Variants in ARHGAP23 observed in about 807,000 individuals in gnomAD.
ARHGAP23 encodes Rho GTPase activating protein 23.
A neutral mutation model predicts 136.3 loss-of-function variants in ARHGAP23; 34 were observed. The observed-to-expected ratio is 0.25, with a 90% CI of 0.19 to 0.33. The LOEUF (loss-of-function observed/expected upper bound fraction) is 0.33. Ranked by LOEUF, ARHGAP23 falls within the 10% of genes least tolerant of loss-of-function variation. The probability of loss-of-function intolerance (pLI) is 1.00; values close to 1 mark genes in which losing one functional copy is unlikely to be tolerated. For missense variants in ARHGAP23, 1,808 were observed against 2,139.0 expected (o/e 0.85, Z 3.05); for synonymous variants, 832 against 920.5 (o/e 0.90, Z 1.74).
chr17:38,463,371 A>G lies in ARHGAP23; in HGVS notation c.472A>G (p.Ile158Val), dbSNP rs981341910. 5 of 1,551,558 alleles carry G rather than the reference A, an allele frequency of 3.2e-6. No homozygotes were observed. The Admixed American group carries it at 7.8e-5, about 24-fold the overall frequency. The part of the protein sequence containing the change: ...ELSIMPKDED[I>V]LQLAYSQDAY... ...GTCTATCATGCCCAAGGACGAGGAC[A>G]TCCTCCAGCTGGTGAGTCCAGCCCC... Residue 158 changes from isoleucine to valine, a missense_variant, in exon 6 of 24, where the codon ATC (isoleucine) becomes GTC (valine). Physicochemically the swap from Ile to Val is conservative, Grantham distance 29. This residue lies in a region of ARHGAP23 where 859 missense variants were observed against 936.4 expected (regional missense o/e 0.92). Transcript: ENST00000622683.
At chr17:38,465,162 G>A (rs1053100686) in intron 6 of ARHGAP23, among the ~76,000 whole-genome samples, 7 of 152,092 alleles carry the variant, frequency 4.6e-5, no homozygotes, top group Middle Eastern at 3.2e-3. Flanking sequence ...CTGGGGAGAC[G>A]GCGGGATGGC....
At chr17:38,486,337 C>G (rs573090997) in intron 17 of ARHGAP23, among the ~76,000 whole-genome samples, 197 bp downstream of exon 17, 80 of 151,958 alleles carry the variant, frequency 5.3e-4, no homozygotes, top group African/African-American at 1.9e-3. Flanking sequence ...AAGCGATCCT[C>G]CCACCTCAGC....
rs894114703 is a variant in ARHGAP23, at chr17:38,511,033, G to A, written c.*61G>A. On this transcript the variant is annotated 3_prime_UTR_variant, in exon 24 of 24. Transcript: ENST00000622683. ...CCTAGAGCCCCTTTGGAACCAGGAGGCTTCACCAGCCTGCACCTCCTCTTC... is the reference window on the plus strand; with the variant it reads ...CCTAGAGCCCCTTTGGAACCAGGAGACTTCACCAGCCTGCACCTCCTCTTC... 8.8e-6 allele frequency: 12 copies of A among 1,368,522 alleles called. No homozygotes were observed. Among genetic ancestry groups the A allele is most frequent in the Non-Finnish European group, 1.1e-5 (12 of 1,066,806 alleles). 84.8% of individuals were successfully genotyped at this position (1,368,522 alleles called of 1,614,324 possible). A position where few individuals can be genotyped will look rare whatever the true frequency, so the allele number is the denominator to read the frequency against.
chr17:38,428,362 AG>A (rs2038602798), upstream of ARHGAP23: 2 of 143,080 alleles, frequency 1.4e-5, no homozygotes, highest in East Asian at 2.4e-4. Context: ...GGGAGGGGCG[AG>A]GGGGCGGACC....
chr17:38,482,380 G>C (rs2040064844), intron 15 of ARHGAP23, 143 bp from the exon 16 acceptor site: 7 of 1,055,758 alleles, frequency 6.6e-6, no homozygotes, highest in Non-Finnish European at 9.4e-6. Context: ...GTCATTTTTA[G>C]CTCCCAGACT....
chr17:38,466,657 C>A lies in ARHGAP23; in HGVS notation c.974C>A (p.Ala325Asp), dbSNP rs1482506744. The A allele has an allele frequency of 1.3e-6, 2 of 1,511,552 alleles. No homozygotes were observed. The highest frequency in any genetic ancestry group is 1.8e-6 in the Non-Finnish European group (2 of 1,132,844). The allele number at this position is 1,511,552 out of a possible 1,614,324, so 93.6% of individuals were successfully genotyped here. A position where few individuals can be genotyped will look rare whatever the true frequency, so the allele number is the denominator to read the frequency against. ...ASQDRLEEVA[A>D]PRPWPCSTSQ... ...CAGGACCGGTTGGAGGAGGTGGCTG[C>A]CCCCCGCCCGTGGCCCTGCTCCACC... is the stretch of plus-strand genomic sequence containing the variant. The change falls in exon 7 of 24, where the codon GCC becomes GAC. Residue 325 changes from alanine (A) to aspartate (D), a missense_variant. Physicochemically the swap from Ala to Asp is moderately radical, Grantham distance 126. Around this residue, in one of 7 missense-constraint regions of ARHGAP23, gnomAD observed 859 missense variants for 936.4 expected, o/e 0.92. Coordinates refer to ENST00000622683, the MANE Select transcript of ARHGAP23 (RefSeq NM_001199417.2).
At chr17:38,479,598 G>T (rs2039981618) in intron 13 of ARHGAP23, 101 bp downstream of exon 13, 3 of 1,439,270 alleles carry the variant, frequency 2.1e-6, no homozygotes, top group Non-Finnish European at 2.9e-6. Context: ...GCCCTCTGCT[G>T]GGGGAAGGGG....
chr17:38,423,195 AT>A (rs879795174), intron 1 of ARHGAP23, among the ~76,000 whole-genome samples: 3,899 of 142,468 alleles, frequency 0.027, 56 homozygotes, highest in Middle Eastern at 0.043. Context: ...GTGCTCAATA[AT>A]TTTTTTTTTT....
At chr17:38,463,817 G>C (rs1597791379) in intron 6 of ARHGAP23, among the ~76,000 whole-genome samples, 1 of 152,158 alleles carries the variant, frequency 6.6e-6, no homozygotes, top group Admixed American at 6.5e-5. Flanking sequence ...CACAGTACCC[G>C]AGCAGTACAC....
At chr17:38,498,750 C>T (rs774195542) in intron 22 of ARHGAP23, among the ~76,000 whole-genome samples, 19 of 152,294 alleles carry the variant, frequency 1.2e-4, no homozygotes, top group Non-Finnish European at 2.6e-4. Context: ...GAGCTTTGTT[C>T]GCCCTCTCTC....
At chr17:38,505,030 G>T (rs1003499906) in intron 23 of ARHGAP23, among the ~76,000 whole-genome samples, 2 of 71,894 alleles carry the variant, frequency 2.8e-5, no homozygotes. Context: ...TTTTGAGACA[G>T]GTCTTGCTCT....
intron 7 of ARHGAP23, among the ~76,000 whole-genome samples, chr17:38,467,890 C>T (rs2039651164): frequency 6.6e-6 from 1 of 152,152 alleles, no homozygotes; most frequent in Non-Finnish European, 1.5e-5. Flanking sequence ...CCCTCCATCC[C>T]TCCATCGACT....
intron 19 of ARHGAP23, 137 bp downstream of exon 19, chr17:38,490,688 G>A (rs1416382033): frequency 9.8e-6 from 7 of 715,542 alleles, no homozygotes; most frequent in African/African-American, 7.0e-5. Context: ...TGACTGCTCC[G>A]TCCCCACCCC....
intron 1 of ARHGAP23, among the ~76,000 whole-genome samples, chr17:38,454,435 G>A (rs12453294): frequency 0.026 from 3,896 of 152,242 alleles, 76 homozygotes; most frequent in Non-Finnish European, 0.04. Flanking sequence ...GGACCAGAGC[G>A]TTTGAAGAGA....
At chr17:38,476,867 A>G (rs1260569322) in intron 11 of ARHGAP23, among the ~76,000 whole-genome samples, 1 of 152,094 alleles carries the variant, frequency 6.6e-6, no homozygotes, top group Admixed American at 6.5e-5. Context: ...TCCCGTGGGG[A>G]CTAGTCTCCT....
chr17:38,490,393 A>G (rs2144751885), intron 18 of ARHGAP23, 69 bp from the exon 19 acceptor site: 3 of 1,297,484 alleles, frequency 2.3e-6, no homozygotes, highest in Middle Eastern at 5.2e-4. Context: ...TCTTTGGGGC[A>G]TGGTGATGAC....
chr17:38,471,728 C>T (rs1013462940), intron 10 of ARHGAP23, 135 bp from the exon 11 acceptor site: 3 of 1,011,666 alleles, frequency 3.0e-6, no homozygotes, highest in Admixed American at 2.7e-5. Context: ...AAGCAATGCC[C>T]ATGAGGTCGC....
At chr17:38,469,804 G>C (rs776485284) in intron 9 of ARHGAP23, 43 bp from the exon 10 acceptor site, 3 of 1,549,954 alleles carry the variant, frequency 1.9e-6, no homozygotes, top group Non-Finnish European at 1.7e-6. Flanking sequence ...TGAGGTCCCA[G>C]CTTTGCTGCC....
At chr17:38,454,530 C>T (rs551251461) in intron 1 of ARHGAP23, among the ~76,000 whole-genome samples, 1 of 152,282 alleles carries the variant, frequency 6.6e-6, no homozygotes, top group East Asian at 1.9e-4. Context: ...CTGAATGGAG[C>T]AGGGCCCACG....
Sources: gnomAD v4.1 joint callset for allele counts (sites outside exome capture counted in the v4.1 genomes callset) on GRCh38, gnomAD v4.1.1 for gene constraint, gnomAD v4.1.1 regional missense constraint, MANE v1.5 for transcripts, NCBI Gene and HGNC (gene_info 2026-07-23, HGNC 2026-07-21) for gene names.